The following MCC variants were observed in gnomAD, a reference collection of about 807,000 sequenced individuals.
MCC encodes the protein MCC regulator of Wnt signaling pathway, also known as colorectal mutant cancer protein.
MCC carries 90 observed loss-of-function variants against 116.2 expected under a neutral mutation model. That is an observed-to-expected ratio of 0.77 (90% CI 0.65 to 0.92). The LOEUF is 0.92. Among genes scored for constraint, MCC ranks in the 40% least tolerant of loss-of-function variants. The pLI, the probability that MCC is intolerant of heterozygous loss-of-function variation, is 0.00. For synonymous variants in MCC, 578 were observed against 510.5 expected, an observed-to-expected ratio of 1.13 and a Z score of -1.78; for missense variants, 1,516 against 1,312.2, an observed-to-expected ratio of 1.16 and a Z score of -2.40.
intron 1 of MCC, among the ~76,000 whole-genome samples, chr5:113,444,355 G>C (rs1175386886): frequency 6.6e-6 from 1 of 152,156 alleles, no homozygotes; most frequent in Non-Finnish European, 1.5e-5. Context: ...TATCTATAGG[G>C]TGAAAGACAG....
chr5:113,178,013 G>A (rs1433263104), intron 3 of MCC, among the ~76,000 whole-genome samples: 1 of 152,176 alleles, frequency 6.6e-6, no homozygotes, highest in East Asian at 1.9e-4. Flanking sequence ...ACACATACTT[G>A]GAACACCATC....
intron 3 of MCC, among the ~76,000 whole-genome samples, chr5:113,331,796 C>G (rs1310307836): frequency 6.6e-6 from 1 of 151,200 alleles, no homozygotes; most frequent in Non-Finnish European, 1.5e-5. Context: ...GCCACCACAA[C>G]CCGGCTAATT....
At position 113,488,429 on chromosome 5, in the gene MCC, C is replaced by G. The variant is rs766316233; in HGVS notation, c.-15G>C. 9 of 1,403,634 alleles carry G rather than the reference C, an allele frequency of 6.4e-6. No homozygotes were observed. Among genetic ancestry groups the G allele is most frequent in the African/African-American group, 1.5e-5 (1 of 66,408 alleles). The allele number at this position is 1,403,634 out of a possible 1,614,324, so 86.9% of individuals were successfully genotyped here. A position where few individuals can be genotyped will look rare whatever the true frequency, so the allele number is the denominator to read the frequency against. Reference sequence around the variant, plus strand: ...GCCGCCATCATGCGCCCGCTCCCTACTTGGGAGGAGGAGTACGCGCGACCG... The same window carrying G: ...GCCGCCATCATGCGCCCGCTCCCTAGTTGGGAGGAGGAGTACGCGCGACCG... On this transcript the variant is annotated 5_prime_UTR_variant, in exon 1 of 19. Coordinates refer to ENST00000408903, the MANE Select transcript of MCC (RefSeq NM_001085377.2).
At chr5:113,469,674 A>G (rs1340284129) in intron 1 of MCC, among the ~76,000 whole-genome samples, 1 of 152,104 alleles carries the variant, frequency 6.6e-6, no homozygotes, top group Non-Finnish European at 1.5e-5. Context: ...TTTGGGGTGG[A>G]GAGTTCTGTA....
chr5:113,451,482 C>T (rs1356296979), intron 1 of MCC, among the ~76,000 whole-genome samples: 2 of 152,212 alleles, frequency 1.3e-5, no homozygotes, highest in African/African-American at 4.8e-5. Context: ...TGCCTGTAAT[C>T]CCAGCACTTT....
At chr5:113,100,842 G>A (rs1756361858) in intron 8 of MCC, among the ~76,000 whole-genome samples, 1 of 152,116 alleles carries the variant, frequency 6.6e-6, no homozygotes, top group East Asian at 1.9e-4. Flanking sequence ...TAGAAAACAA[G>A]CTTCTAATAT....
intron 17 of MCC, among the ~76,000 whole-genome samples, chr5:113,039,622 C>A (rs1751551864): frequency 6.6e-6 from 1 of 152,082 alleles, no homozygotes; most frequent in Non-Finnish European, 1.5e-5. Flanking sequence ...CACAAGGGGT[C>A]CCCATAGAGA....
intron 8 of MCC, among the ~76,000 whole-genome samples, chr5:113,096,073 G>T (rs1160543043): frequency 6.6e-6 from 1 of 152,178 alleles, no homozygotes; most frequent in Non-Finnish European, 1.5e-5. Context: ...CCCTGGTGAA[G>T]GGACAGTGCA....
intron 1 of MCC, among the ~76,000 whole-genome samples, chr5:113,477,661 G>A (rs1293585251): frequency 6.6e-6 from 1 of 152,128 alleles, no homozygotes. Context: ...TAAATTTGTG[G>A]TGCAGAGGGA....
At chr5:113,209,788 C>T (rs766373862) in intron 3 of MCC, among the ~76,000 whole-genome samples, 2 of 151,998 alleles carry the variant, frequency 1.3e-5, no homozygotes, top group South Asian at 2.1e-4. Context: ...TGTTTATGGT[C>T]GGGCTCCCAT....
intron 3 of MCC, among the ~76,000 whole-genome samples, chr5:113,327,945 C>T (rs562242213): frequency 6.6e-6 from 1 of 152,032 alleles, no homozygotes; most frequent in Non-Finnish European, 1.5e-5. Flanking sequence ...AAAAATAAAT[C>T]TGACACATAT....
intron 4 of MCC, among the ~76,000 whole-genome samples, chr5:113,146,916 C>T (rs1759558895): frequency 6.6e-6 from 1 of 152,152 alleles, no homozygotes; most frequent in Non-Finnish European, 1.5e-5. Context: ...AGCCAGAAAG[C>T]CTGTGGTTGC....
chr5:113,487,615 T>C (rs963413443), intron 1 of MCC, among the ~76,000 whole-genome samples: 1 of 152,348 alleles, frequency 6.6e-6, no homozygotes, highest in Admixed American at 6.5e-5. Flanking sequence ...CAGAGCCGGG[T>C]AGGAGTCGGG....
At chr5:113,244,711 C>T (rs1764504385) in intron 3 of MCC, among the ~76,000 whole-genome samples, 1 of 152,220 alleles carries the variant, frequency 6.6e-6, no homozygotes, top group Admixed American at 6.5e-5. Context: ...CTGATTTCCA[C>T]TCTTGGAGGC....
At position 113,278,609 on chromosome 5, in the gene MCC, T is replaced by C. The variant is rs76161980; in HGVS notation, c.627+61910A>G. The stretch of plus-strand genomic sequence containing the variant: ...GCAAAGTTTAAGGATGTGGATAGTA[T>C]ACCAGTGGAGGAATAGCAAATGTGA... On this transcript the variant is annotated intron_variant, in intron 3 of 18. Coordinates refer to ENST00000408903, the MANE Select transcript of MCC (RefSeq NM_001085377.2). Among the ~76,000 whole-genome samples, 492 of 152,252 alleles carry C rather than the reference T, an allele frequency of 3.2e-3. 19 individuals are homozygous for C. In the East Asian group the frequency reaches 0.085, roughly 26 times the overall value.
At chr5:113,458,185 C>G (rs1332141364) in intron 1 of MCC, among the ~76,000 whole-genome samples, 1 of 152,186 alleles carries the variant, frequency 6.6e-6, no homozygotes, top group Non-Finnish European at 1.5e-5. Context: ...TTCTTTTGCT[C>G]TTTGCAATAA....
intron 3 of MCC, among the ~76,000 whole-genome samples, chr5:113,165,649 G>A (rs1240308308): frequency 6.6e-6 from 1 of 152,096 alleles, no homozygotes; most frequent in African/African-American, 2.4e-5. Context: ...ATGATGGGCT[G>A]ATAAAAGAAA....
At chr5:113,259,313 T>C (rs923365635) in intron 3 of MCC, among the ~76,000 whole-genome samples, 1 of 152,176 alleles carries the variant, frequency 6.6e-6, no homozygotes, top group African/African-American at 2.4e-5. Context: ...AAAATGAACA[T>C]TGCCATATTC....
intron 1 of MCC, among the ~76,000 whole-genome samples, chr5:113,453,248 C>T (rs977799323): frequency 6.6e-6 from 1 of 152,134 alleles, no homozygotes; most frequent in African/African-American, 2.4e-5. Flanking sequence ...CCTAACTCAT[C>T]TAACACGTCC....
Sources: allele counts gnomAD v4.1 joint callset (sites outside exome capture counted in the v4.1 genomes callset), GRCh38; gene constraint gnomAD v4.1.1; transcripts MANE v1.5; gene names NCBI Gene and HGNC (gene_info 2026-07-23, HGNC 2026-07-21).